The following ITPKB variants were observed in gnomAD, a reference collection of about 807,000 sequenced individuals.
ITPKB encodes inositol-trisphosphate 3-kinase B, also known as IP3 3-kinase B.
ITPKB carries 13 observed loss-of-function variants against 69.4 expected under a neutral mutation model. That is an observed-to-expected ratio of 0.19 (90% confidence interval 0.12 to 0.30). ITPKB has a LOEUF of 0.30. ITPKB is among the 10% of genes least tolerant of loss of function. The pLI, the probability that ITPKB is intolerant of heterozygous loss-of-function variation, is 1.00. For synonymous variants in ITPKB, 584 were observed against 513.7 expected (o/e 1.14, Z -1.85); for missense variants, 1,240 against 1,250.5 (o/e 0.99, Z 0.13).
At chr1:226,692,685 C>T (rs1204322625) in intron 2 of ITPKB, among the ~76,000 whole-genome samples, 1 of 152,176 alleles carries the variant, frequency 6.6e-6, no homozygotes, top group Non-Finnish European at 1.5e-5. Context: ...AAAGCCACCC[C>T]CAAATCACCA....
chr1:226,701,477 G>A lies in ITPKB; in HGVS notation c.1932+34050C>T, dbSNP rs938606359. 3.3e-5 allele frequency among the ~76,000 whole-genome samples: 5 copies of A among 151,376 alleles called. No individual in the cohort carries two copies. In the East Asian group the frequency reaches 9.7e-4, roughly 29 times the overall value. On this transcript the variant is annotated intron_variant, in intron 2 of 7. Transcript: ENST00000429204. The stretch of plus-strand genomic sequence containing the variant: ...AAATTAGCCGGGCGTGGTGGTGGGC[G>A]CCTGTAATCCCAGCTACTCGGGAGG...
chr1:226,686,744 G>A (rs780184940), intron 2 of ITPKB, among the ~76,000 whole-genome samples: 5 of 152,308 alleles, frequency 3.3e-5, no homozygotes, highest in East Asian at 3.9e-4. Flanking sequence ...GCACAATGTC[G>A]AAAAAGGACA....
Position 226,637,788 on chromosome 1 carries a change from G to A in ITPKB, c.2554-38C>T, listed in dbSNP as rs573973179. ...AGAGGACCAGATTTTTAAGCGCCGC[G>A]TGGGGAAGGGCAGTGTCAGAACACC... On this transcript the variant is annotated intron_variant, in intron 6 of 7. Transcript: ENST00000429204. This position sits in a 1 kb window ranked among gnomAD's most constrained non-coding sequence, Gnocchi z 4.3. 2.7e-6 allele frequency: 4 copies of A among 1,501,168 alleles called. No homozygotes were observed. The highest frequency in any genetic ancestry group is 1.7e-5 in the Admixed American group (1 of 58,818). The allele number at this position is 1,501,168 out of a possible 1,614,324, so 93.0% of individuals were successfully genotyped here.
chr1:226,675,114 A>C lies in ITPKB; in HGVS notation c.1933-26343T>G, dbSNP rs1487102643. On this transcript the variant is annotated intron_variant, in intron 2 of 7. Transcript: ENST00000429204. ...ACCTAGCCTTCAGAACTCTGTGTGT[A>C]TGTGCTTACAGGCAAAAAAAAAAAA... The C allele has an allele frequency of 4.1e-5, 5 of 121,420 alleles. No individual in the cohort carries two copies. The East Asian group carries it at 1.2e-3, about 28-fold the overall frequency. The allele number at this position is 121,420 out of a possible 1,614,324, so 7.5% of individuals were successfully genotyped here. A position where few individuals can be genotyped will look rare whatever the true frequency, so the allele number is the denominator to read the frequency against.
At chr1:226,718,397 C>A (rs994198011) in intron 2 of ITPKB, among the ~76,000 whole-genome samples, 6 of 151,920 alleles carry the variant, frequency 3.9e-5, no homozygotes, top group African/African-American at 1.5e-4. Context: ...GACTTGAGAC[C>A]AGCCTTGGCG....
At chr1:226,705,529 CA>C (rs11290798) in intron 2 of ITPKB, among the ~76,000 whole-genome samples, 35,687 of 120,386 alleles carry the variant, frequency 0.3, 4,674 homozygotes, top group South Asian at 0.44. Flanking sequence ...AACGCCATCT[CA>C]AAAAAAAAAA....
At position 226,637,442 on chromosome 1, in the gene ITPKB, G is replaced by A. The variant is rs1668861707; in HGVS notation, c.2625+237C>T. 6.6e-6 allele frequency among the ~76,000 whole-genome samples: 1 copy of A among 152,226 alleles called. No homozygotes were observed. The highest frequency in any genetic ancestry group is 1.5e-5 in the Non-Finnish European group (1 of 68,038). ...ATGGACAAGACTCTGGAGCTGGAAG[G>A]ACAAGGGAGGAGAAAGGGGGCAATA... On this transcript the variant is annotated intron_variant, in intron 7 of 7. Transcript: ENST00000429204. The surrounding 1 kb of genome is among the most constrained non-coding windows in gnomAD (Gnocchi z 4.3).
chr1:226,732,189 TAC>T (rs1475216945), intron 2 of ITPKB, among the ~76,000 whole-genome samples: 1 of 152,064 alleles, frequency 6.6e-6, no homozygotes, highest in Non-Finnish European at 1.5e-5. Flanking sequence ...GGTTTTGTAT[TAC>T]ACTTCTTTAT....
chr1:226,701,637 C>G (rs1482912844), intron 2 of ITPKB, among the ~76,000 whole-genome samples: 1 of 143,374 alleles, frequency 7.0e-6, no homozygotes, highest in Non-Finnish European at 1.5e-5. Context: ...AAAAACTTCA[C>G]TTTACCCATT....
At position 226,639,569 on chromosome 1, in the gene ITPKB, G is replaced by T; in HGVS notation, c.2541C>A (p.Asn847Lys). ...TEAFREFTKG[N>K]HNILIAYRDR... ...GTGCCAGACTCACCAGGATGTTATG[G>T]TTTCCTTTAGTGAACTCTCTGAAGG... Residue 847 changes from asparagine to lysine, a missense_variant, in exon 6 of 8, where the codon AAC becomes AAA. By Grantham distance (94) the Asn-to-Lys change is moderately conservative. This residue lies in a region of ITPKB where 248 missense variants were observed against 396.7 expected (regional missense o/e 0.63). Transcript: ENST00000429204. 6.2e-7 allele frequency: 1 copy of T among 1,608,870 alleles called. No individual in the cohort carries two copies. The highest frequency in any genetic ancestry group is 8.5e-7 in the Non-Finnish European group (1 of 1,175,224).
intron 2 of ITPKB, among the ~76,000 whole-genome samples, chr1:226,694,396 C>G (rs1297045837): frequency 6.6e-6 from 1 of 152,192 alleles, no homozygotes; most frequent in Non-Finnish European, 1.5e-5. Flanking sequence ...TTTTCTGAGA[C>G]TGATCCTAGT....
Position 226,634,547 on chromosome 1 carries a change from A to G in ITPKB, c.*124T>C. The G allele has an allele frequency of 1.6e-6, 1 of 609,290 alleles. No homozygotes were observed. Among genetic ancestry groups the G allele is most frequent in the Non-Finnish European group, 3.0e-6 (1 of 335,608 alleles). The allele number at this position is 609,290 out of a possible 1,614,324, so 37.7% of individuals were successfully genotyped here. ...GAAACTCTCATCTCCTCTTCTACAA[A>G]GTGTCTTGTAGTGCAGTTCAGGAGG... On this transcript the variant is annotated 3_prime_UTR_variant, in exon 8 of 8. Transcript: ENST00000429204. The surrounding 1 kb of genome is among the most constrained non-coding windows in gnomAD (Gnocchi z 6.3).
At chr1:226,668,058 A>C (rs1669539479) in intron 2 of ITPKB, among the ~76,000 whole-genome samples, 1 of 152,292 alleles carries the variant, frequency 6.6e-6, no homozygotes, top group South Asian at 2.1e-4. Flanking sequence ...GTCTGTAAGG[A>C]ATTTAAAACA....
rs761896861 is a variant in ITPKB at position 226,735,903 on chromosome 1, G to A, written c.1556C>T (p.Ala519Val). Residue 519 changes from alanine (A) to valine (V), a missense_variant, in exon 2 of 8, where the codon GCT becomes GTT. Transcript: ENST00000429204. Reference protein sequence around the residue: ...WQGTMEKAGLAWTRGTGVQSE... With the variant: ...WQGTMEKAGLVWTRGTGVQSE... ...TTGCACCCCTGTGCCACGCGTCCAAGCCAAACCGGCTTTCTCCATGGTGCC... is the reference window on the plus strand; with the variant it reads ...TTGCACCCCTGTGCCACGCGTCCAAACCAAACCGGCTTTCTCCATGGTGCC... 2.9e-5 allele frequency: 47 copies of A among 1,613,390 alleles called. 2 individuals are homozygous for A. The South Asian group carries it at 4.6e-4, about 16-fold the overall frequency.
At chr1:226,668,299 G>A (rs1669545265) in intron 2 of ITPKB, among the ~76,000 whole-genome samples, 1 of 152,146 alleles carries the variant, frequency 6.6e-6, no homozygotes, top group South Asian at 2.1e-4. Flanking sequence ...TAGTTGCAAA[G>A]CCAGCCCCTG....
intron 2 of ITPKB, among the ~76,000 whole-genome samples, chr1:226,660,452 T>C (rs1669380568): frequency 6.6e-6 from 1 of 152,220 alleles, no homozygotes; most frequent in Admixed American, 6.5e-5. Flanking sequence ...AAAATGGAAA[T>C]GTTCCTAACC....
At chr1:226,665,395 C>T (rs1558078908) in intron 2 of ITPKB, among the ~76,000 whole-genome samples, 1 of 152,234 alleles carries the variant, frequency 6.6e-6, no homozygotes, top group Non-Finnish European at 1.5e-5. Context: ...CTGTTTCTCC[C>T]TCTGCAAACA....
intron 2 of ITPKB, among the ~76,000 whole-genome samples, chr1:226,710,960 A>G (rs1656932525): frequency 6.6e-6 from 1 of 152,230 alleles, no homozygotes; most frequent in South Asian, 2.1e-4. Context: ...ATTTCAAGGC[A>G]GCAATGGGCC....
intron 2 of ITPKB, among the ~76,000 whole-genome samples, chr1:226,694,756 A>C (rs1071530): frequency 0.16 from 24,394 of 152,174 alleles, 2,063 homozygotes; most frequent in African/African-American, 0.18. Flanking sequence ...CCACCCTTAC[A>C]GTTGTGACAA....
Sources: allele counts gnomAD v4.1 joint callset (sites outside exome capture counted in the v4.1 genomes callset), GRCh38; gene constraint gnomAD v4.1.1; regional missense constraint gnomAD v4.1.1; non-coding constraint Gnocchi (gnomAD v3.1); transcripts MANE v1.5; gene names NCBI Gene and HGNC (gene_info 2026-07-23, HGNC 2026-07-21).